RARB: variants seen among roughly 807,000 people sequenced by gnomAD.
The protein encoded by RARB is retinoic acid receptor beta, also known as HBV-activated protein.
A neutral mutation model predicts 51.9 loss-of-function variants in RARB; 17 were observed. The observed-to-expected ratio is 0.33, with a 90% confidence interval of 0.22 to 0.49. The LOEUF is 0.49. Ranked by LOEUF, RARB falls within the 20% of genes least tolerant of loss-of-function variation. The pLI is 0.99. For synonymous variants in RARB, 215 were observed against 195.4 expected (o/e 1.10, Z -0.84); for missense variants, 369 against 550.8 (o/e 0.67, Z 3.30).
At position 25,146,102 on chromosome 3, in the gene RARB, A is replaced by T. The variant is rs180917045; in HGVS notation, c.-280+13894A>T. On this transcript the variant is annotated intron_variant, in intron 4 of 11. Transcript: ENST00000383772. Reference sequence around the variant, plus strand: ...CATGCAAATCCTGGCCTTGCCCCTCACTAGCTCTGTGACCTTAGATGAGTT... The same window carrying T: ...CATGCAAATCCTGGCCTTGCCCCTCTCTAGCTCTGTGACCTTAGATGAGTT... Among the ~76,000 whole-genome samples the T allele has an allele frequency of 2.6e-5, 4 of 152,240 alleles. No individual in the cohort carries two copies. In the East Asian group the frequency reaches 7.7e-4, roughly 29 times the overall value.
chr3:25,256,846 G>T (rs1358650752), intron 5 of RARB, among the ~76,000 whole-genome samples: 1 of 149,446 alleles, frequency 6.7e-6, no homozygotes, highest in Non-Finnish European at 1.5e-5. Context: ...AAGATAAGAG[G>T]TGGCACAGCA....
chr3:25,298,639 C>G (rs1410060271), intron 5 of RARB, among the ~76,000 whole-genome samples: 9 of 152,182 alleles, frequency 5.9e-5, no homozygotes. Context: ...TTCCAGCAAT[C>G]TTCCTCCTCT....
intron 2 of RARB, among the ~76,000 whole-genome samples, chr3:25,469,979 G>C (rs1330694234): frequency 6.6e-6 from 1 of 152,196 alleles, no homozygotes; most frequent in Non-Finnish European, 1.5e-5. Context: ...GAGCATGTGG[G>C]AGTGGTGCTG....
intron 4 of RARB, among the ~76,000 whole-genome samples, chr3:25,147,483 CAT>C (rs1220087466): frequency 6.6e-6 from 1 of 152,020 alleles, no homozygotes; most frequent in Non-Finnish European, 1.5e-5. Flanking sequence ...AACTATATGA[CAT>C]AGATTTTCCT....
At chr3:24,888,330 T>C (rs1408502804) in intron 2 of RARB, among the ~76,000 whole-genome samples, 2 of 152,322 alleles carry the variant, frequency 1.3e-5, no homozygotes, top group East Asian at 3.9e-4. Flanking sequence ...CCTATGAGAA[T>C]TGAGATCAGA....
chr3:25,039,057 T>C (rs750668696), intron 2 of RARB, among the ~76,000 whole-genome samples: 1 of 152,240 alleles, frequency 6.6e-6, no homozygotes, highest in Non-Finnish European at 1.5e-5. Flanking sequence ...TTTGTTGACA[T>C]AATTTCTGGC....
At chr3:25,168,382 G>A (rs1276914327) in intron 4 of RARB, among the ~76,000 whole-genome samples, 3 of 151,892 alleles carry the variant, frequency 2.0e-5, no homozygotes, top group Non-Finnish European at 4.4e-5. Context: ...GTGCCACCAT[G>A]CCCGGCTAAT....
intron 1 of RARB, among the ~76,000 whole-genome samples, chr3:24,850,995 A>T (rs1045803789): frequency 6.6e-6 from 1 of 152,176 alleles, no homozygotes; most frequent in Admixed American, 6.5e-5. Flanking sequence ...ATCCTTTCTG[A>T]AATGTTGATC....
intron 2 of RARB, among the ~76,000 whole-genome samples, chr3:24,979,703 C>A (rs898652527): frequency 6.6e-6 from 1 of 151,994 alleles, no homozygotes; most frequent in Admixed American, 6.6e-5. Flanking sequence ...ATACAGCACA[C>A]CAAAGGGTCT....
chr3:25,304,686 T>C (rs978217866), intron 5 of RARB, among the ~76,000 whole-genome samples: 63 of 152,180 alleles, frequency 4.1e-4, no homozygotes, highest in African/African-American at 1.5e-3. Flanking sequence ...TTCACCTGGG[T>C]TATTATAATA....
chr3:24,967,814 ATGG>A (rs1240924339), intron 2 of RARB, among the ~76,000 whole-genome samples: 1 of 152,184 alleles, frequency 6.6e-6, no homozygotes, highest in Non-Finnish European at 1.5e-5. Flanking sequence ...TGAGTAACTA[ATGG>A]ATTAACAGGT....
chr3:25,489,787 C>G (rs1258867644), intron 2 of RARB, among the ~76,000 whole-genome samples: 3 of 152,222 alleles, frequency 2.0e-5, no homozygotes, highest in Non-Finnish European at 4.4e-5. Flanking sequence ...AGAGAAAACA[C>G]TCTAGGTTTG....
intron 1 of RARB, among the ~76,000 whole-genome samples, chr3:25,429,250 A>T (rs986296198): frequency 6.6e-6 from 1 of 152,218 alleles, no homozygotes; most frequent in African/African-American, 2.4e-5. Flanking sequence ...AGTTTTTACT[A>T]AAATGTATGC....
chr3:25,124,189 A>G (rs190024179), intron 3 of RARB, among the ~76,000 whole-genome samples: 4 of 152,324 alleles, frequency 2.6e-5, no homozygotes, highest in Admixed American at 2.6e-4. Context: ...CCTGGCCAAC[A>G]TAGTGAAACT....
intron 5 of RARB, among the ~76,000 whole-genome samples, chr3:25,193,754 G>C (rs552911422): frequency 6.6e-6 from 1 of 151,976 alleles, no homozygotes; most frequent in South Asian, 2.1e-4. Context: ...TTCAGAGAAA[G>C]AAAATGTTCA....
Position 25,343,836 on chromosome 3 carries a change from C to A in RARB, c.179-117357C>A, listed in dbSNP as rs546419576. Among the ~76,000 whole-genome samples, 7 of 152,122 alleles carry A rather than the reference C, an allele frequency of 4.6e-5. No individual in the cohort carries two copies. In the East Asian group the frequency reaches 1.4e-3, roughly 29 times the overall value. ...AAGTTTGGGAGCTGCTGTTTTCGAT[C>A]GTAAGTCTTGTCATGAGGAAAATAC... On this transcript the variant is annotated intron_variant, in intron 5 of 11. Coordinates refer to the RARB transcript ENST00000383772.
chr3:25,573,085 G>A lies in RARB; in HGVS notation c.609+3167G>A, dbSNP rs771101287. Among the ~76,000 whole-genome samples, 3 of 152,172 alleles carry A rather than the reference G, an allele frequency of 2.0e-5. 1 individual carries two copies. Among genetic ancestry groups the A allele is most frequent in the South Asian group, 4.2e-4 (2 of 4,814 alleles). On this transcript the variant is annotated intron_variant, in intron 4 of 7. Transcript: ENST00000330688. ...CCCCCCCAGCTTCCTTATTCGTTGG[G>A]CAGGATACTCTTAGGTATCCTCTAA... is the stretch of plus-strand genomic sequence containing the variant.
chr3:25,024,704 C>A (rs1164979873), intron 2 of RARB, among the ~76,000 whole-genome samples: 1 of 152,098 alleles, frequency 6.6e-6, no homozygotes, highest in African/African-American at 2.4e-5. Context: ...GTAATCCCAG[C>A]ACTTTGGGAG....
chr3:25,026,632 G>T (rs1311672317), intron 2 of RARB, among the ~76,000 whole-genome samples: 1 of 151,344 alleles, frequency 6.6e-6, no homozygotes, highest in Non-Finnish European at 1.5e-5. Context: ...ACATTCTGAA[G>T]TACTTAGGGG....
Sources: gnomAD v4.1 joint callset for allele counts (sites outside exome capture counted in the v4.1 genomes callset) on GRCh38, gnomAD v4.1.1 for gene constraint, MANE v1.5 for transcripts, NCBI Gene and HGNC (gene_info 2026-07-23, HGNC 2026-07-21) for gene names.